The following CDKL4 variants were observed in gnomAD, a reference collection of about 807,000 sequenced individuals.
CDKL4 encodes cyclin-dependent kinase-like 4.
Under a neutral mutation model 42.0 loss-of-function variants are expected in CDKL4, and 44 were observed. The ratio of observed to expected loss-of-function variants is 1.05; its 90% confidence interval spans 0.82 to 1.35. The LOEUF is 1.35. CDKL4 is among the 40% of genes most tolerant of loss of function. The pLI, the probability that CDKL4 is intolerant of heterozygous loss-of-function variation, is 0.00. For synonymous variants in CDKL4, 120 were observed against 121.6 expected (o/e 0.99, Z 0.09); for missense variants, 393 against 369.9 (o/e 1.06, Z -0.51).
At chr2:39,238,791 A>T (rs2148408820) in intron 1 of CDKL4, among the ~76,000 whole-genome samples, 1 of 152,294 alleles carries the variant, frequency 6.6e-6, no homozygotes, top group Middle Eastern at 3.4e-3. Context: ...TCACTCTGTC[A>T]CCCAGGCTGG....
intron 5 of CDKL4, among the ~76,000 whole-genome samples, chr2:39,201,803 G>C (rs1017951594): frequency 1.3e-5 from 2 of 152,146 alleles, no homozygotes; most frequent in African/African-American, 2.4e-5. Flanking sequence ...AAAGGCATAA[G>C]AATAATACAA....
At chr2:39,242,114 G>A (rs540086502) in intron 1 of CDKL4, among the ~76,000 whole-genome samples, 1 of 151,760 alleles carries the variant, frequency 6.6e-6, no homozygotes, top group East Asian at 1.9e-4. Context: ...GGCACGATCA[G>A]GGCTCACTGC....
the CDKL4 span, among the ~76,000 whole-genome samples, chr2:39,168,662 G>C: frequency 1.2e-4 from 18 of 150,902 alleles, no homozygotes. Context: ...TTGAACCCAG[G>C]AGGCGGAGGT....
downstream of CDKL4, among the ~76,000 whole-genome samples, chr2:39,174,469 T>C (rs530078960): frequency 5.9e-5 from 9 of 152,014 alleles, no homozygotes; most frequent in Non-Finnish European, 8.8e-5. Context: ...ATTAAATGGA[T>C]GCTTCTACAT....
At chr2:39,190,625 G>A (rs753651663) in intron 5 of CDKL4, 123 bp from the exon 6 acceptor site, 3 of 728,936 alleles carry the variant, frequency 4.1e-6, no homozygotes, top group Non-Finnish European at 7.0e-6. Flanking sequence ...AAGGGTTAAT[G>A]CATTGAGGCA....
At chr2:39,177,726 G>C (rs1188189720) in intron 9 of CDKL4, among the ~76,000 whole-genome samples, 11 of 151,290 alleles carry the variant, frequency 7.3e-5, no homozygotes, top group Non-Finnish European at 5.9e-5. Context: ...GTCTCACTCT[G>C]TTGCCCAGGC....
intron 5 of CDKL4, among the ~76,000 whole-genome samples, chr2:39,193,011 C>A (rs1458009334): frequency 6.6e-6 from 1 of 151,352 alleles, no homozygotes; most frequent in Non-Finnish European, 1.5e-5. Flanking sequence ...GCCTGTGGTC[C>A]CAGCTACATG....
chr2:39,238,239 C>T (rs1394092728), intron 1 of CDKL4, among the ~76,000 whole-genome samples: 6 of 152,038 alleles, frequency 3.9e-5, no homozygotes, highest in Non-Finnish European at 8.8e-5. Flanking sequence ...GAGACAAGCC[C>T]GGTCAACATA....
intron 4 of CDKL4, 62 bp downstream of exon 4, chr2:39,213,338 C>A: frequency 1.8e-6 from 2 of 1,094,752 alleles, no homozygotes. Flanking sequence ...AAACCCTGAG[C>A]TATTTAGAAG....
At chr2:39,183,919 C>A (rs1469117445) in intron 8 of CDKL4, among the ~76,000 whole-genome samples, 1 of 152,190 alleles carries the variant, frequency 6.6e-6, no homozygotes, top group Non-Finnish European at 1.5e-5. Context: ...CAAAAGTTGA[C>A]TCTAGGTCAT....
chr2:39,245,030 C>T (rs1679852043), upstream of CDKL4, among the ~76,000 whole-genome samples: 1 of 152,164 alleles, frequency 6.6e-6, no homozygotes, highest in African/African-American at 2.4e-5. Flanking sequence ...TCAAAACAGA[C>T]CACTGGGTTC....
At chr2:39,184,057 G>C (rs1675589191) in intron 8 of CDKL4, among the ~76,000 whole-genome samples, 1 of 152,160 alleles carries the variant, frequency 6.6e-6, no homozygotes, top group African/African-American at 2.4e-5. Flanking sequence ...TGAATCTGAG[G>C]CTAGATACTG....
intron 4 of CDKL4, among the ~76,000 whole-genome samples, chr2:39,206,998 A>G (rs1677240288): frequency 6.6e-6 from 1 of 152,186 alleles, no homozygotes; most frequent in Admixed American, 6.5e-5. Flanking sequence ...TTTAGTCTCA[A>G]TTACTGTCAA....
intron 4 of CDKL4, among the ~76,000 whole-genome samples, chr2:39,211,290 A>C (rs984622545): frequency 6.6e-6 from 1 of 152,146 alleles, no homozygotes; most frequent in Admixed American, 6.6e-5. Flanking sequence ...AGGGAGGCTG[A>C]AGTGGGAGAA....
chr2:39,200,530 G>C (rs1676784674), intron 5 of CDKL4, among the ~76,000 whole-genome samples: 1 of 151,896 alleles, frequency 6.6e-6, no homozygotes, highest in Non-Finnish European at 1.5e-5. Context: ...CCACTAGCCA[G>C]AGCAAGACTA....
chr2:39,192,850 G>T (rs756716380), intron 5 of CDKL4, among the ~76,000 whole-genome samples: 2 of 152,060 alleles, frequency 1.3e-5, no homozygotes, highest in Non-Finnish European at 2.9e-5. Context: ...TCAAGGCCCG[G>T]CACAGTAGCT....
At chr2:39,204,839 T>C (rs1466328480) in intron 4 of CDKL4, among the ~76,000 whole-genome samples, 2 of 152,114 alleles carry the variant, frequency 1.3e-5, no homozygotes, top group East Asian at 1.9e-4. Context: ...TTGAAAAAAT[T>C]GAAATTATAA....
At chr2:39,176,731 C>T (rs1158355894) in intron 9 of CDKL4, among the ~76,000 whole-genome samples, 1 of 152,158 alleles carries the variant, frequency 6.6e-6, no homozygotes, top group Admixed American at 6.5e-5. Context: ...ACCCACCTGG[C>T]CTCAAATTTT....
intron 5 of CDKL4, among the ~76,000 whole-genome samples, chr2:39,202,016 G>A (rs927370580): frequency 7.2e-5 from 11 of 152,128 alleles, no homozygotes; most frequent in African/African-American, 2.4e-4. Flanking sequence ...CAGATGACTT[G>A]AGCTCAGGAG....
Sources: gnomAD v4.1 joint callset for allele counts (sites outside exome capture counted in the v4.1 genomes callset) on GRCh38, gnomAD v4.1.1 for gene constraint, MANE v1.5 for transcripts, NCBI Gene and HGNC (gene_info 2026-07-23, HGNC 2026-07-21) for gene names.